Variants in LDLRAD4 observed in about 807,000 individuals in gnomAD.
LDLRAD4 encodes the protein low density lipoprotein receptor class A domain containing 4, also known as low-density lipoprotein receptor class A domain-containing protein 4.
In LDLRAD4, 5 loss-of-function variants were observed where a neutral mutation model predicts 17.0. The observed-to-expected ratio is 0.29, with a 90% CI of 0.15 to 0.62. The LOEUF is 0.62. Ranked by LOEUF, LDLRAD4 falls within the 20% of genes least tolerant of loss-of-function variation. The pLI is 0.84. For synonymous variants in LDLRAD4, 168 were observed against 171.8 expected (o/e 0.98, Z 0.17); for missense variants, 340 against 424.7 (o/e 0.80, Z 1.75).
intron 3 of LDLRAD4, among the ~76,000 whole-genome samples, chr18:13,470,364 A>G (rs1470452302): frequency 6.6e-6 from 1 of 151,954 alleles, no homozygotes; most frequent in Non-Finnish European, 1.5e-5. Context: ...GCACTTTGGA[A>G]GTGTGTATAA....
chr18:13,510,784 G>C (rs776548692), intron 3 of LDLRAD4, among the ~76,000 whole-genome samples: 2 of 152,192 alleles, frequency 1.3e-5, no homozygotes, highest in African/African-American at 2.4e-5. Flanking sequence ...GCTGGTGATG[G>C]ACTGTCTGTC....
chr18:13,590,038 T>TGTGG (rs2094992862), intron 3 of LDLRAD4, among the ~76,000 whole-genome samples: 8 of 147,974 alleles, frequency 5.4e-5, no homozygotes, highest in African/African-American at 1.8e-4. Flanking sequence ...GGTGTGCATG[T>TGTGG]GTGTGAGTGT....
intron 3 of LDLRAD4, among the ~76,000 whole-genome samples, chr18:13,601,201 G>A (rs188342035): frequency 2.0e-5 from 3 of 152,262 alleles, no homozygotes; most frequent in Admixed American, 6.5e-5. Flanking sequence ...TATTTTAAAC[G>A]CAGAAATCTG....
chr18:13,433,206 CTT>C (rs2090451994), intron 2 of LDLRAD4, among the ~76,000 whole-genome samples: 1 of 152,198 alleles, frequency 6.6e-6, no homozygotes, highest in Admixed American at 6.5e-5. Flanking sequence ...GATTTGACCT[CTT>C]TGCTATTTAC....
At chr18:13,229,191 G>C (rs574886544) in intron 1 of LDLRAD4, among the ~76,000 whole-genome samples, 1 of 152,310 alleles carries the variant, frequency 6.6e-6, no homozygotes, top group African/African-American at 2.4e-5. Flanking sequence ...TGGTGTCCTT[G>C]GGACGATTCG....
At chr18:13,570,443 A>G (rs1262523102) in intron 3 of LDLRAD4, among the ~76,000 whole-genome samples, 1 of 152,250 alleles carries the variant, frequency 6.6e-6, no homozygotes, top group African/African-American at 2.4e-5. Flanking sequence ...GCACTGGGGC[A>G]TCCATGGCAC....
chr18:13,580,842 A>T (rs1445592881), intron 3 of LDLRAD4, among the ~76,000 whole-genome samples: 1 of 152,248 alleles, frequency 6.6e-6, no homozygotes, highest in African/African-American at 2.4e-5. Flanking sequence ...CAAAGAGAAA[A>T]GCAGCATCGC....
chr18:13,347,026 A>G (rs1377738749), intron 1 of LDLRAD4, among the ~76,000 whole-genome samples: 1 of 152,140 alleles, frequency 6.6e-6, no homozygotes, highest in African/African-American at 2.4e-5. Context: ...TTTTTATCCA[A>G]TTTGCCAGTC....
intron 1 of LDLRAD4, among the ~76,000 whole-genome samples, chr18:13,339,330 C>T (rs1352565822): frequency 6.6e-6 from 1 of 152,010 alleles, no homozygotes; most frequent in African/African-American, 2.4e-5. Context: ...CCTGCCTCAG[C>T]CTCCCGAGTA....
intron 3 of LDLRAD4, among the ~76,000 whole-genome samples, chr18:13,553,518 A>G (rs1242048169): frequency 6.6e-6 from 1 of 152,240 alleles, no homozygotes; most frequent in Non-Finnish European, 1.5e-5. Flanking sequence ...TTCTTCTAAG[A>G]TAATTATTTG....
chr18:13,460,401 C>T (rs2092372805), intron 3 of LDLRAD4, among the ~76,000 whole-genome samples: 4 of 152,122 alleles, frequency 2.6e-5, no homozygotes, highest in Admixed American at 2.6e-4. Flanking sequence ...CCGTTTTGCC[C>T]AGGCTGAGCT....
At chr18:13,335,662 T>C (rs1160793870) in intron 1 of LDLRAD4, among the ~76,000 whole-genome samples, 1 of 152,174 alleles carries the variant, frequency 6.6e-6, no homozygotes, top group Non-Finnish European at 1.5e-5. Context: ...AATTCCGGAA[T>C]GCCTGTGTGT....
chr18:13,397,879 A>G (rs1018853412), intron 2 of LDLRAD4, among the ~76,000 whole-genome samples: 2 of 152,224 alleles, frequency 1.3e-5, no homozygotes, highest in African/African-American at 4.8e-5. Flanking sequence ...GAGGGATGCT[A>G]TCTTGATCTC....
intron 3 of LDLRAD4, among the ~76,000 whole-genome samples, chr18:13,443,277 G>A (rs186125183): frequency 6.6e-6 from 1 of 152,118 alleles, no homozygotes; most frequent in African/African-American, 2.4e-5. Flanking sequence ...CATCCTACTT[G>A]TCACCTGTAG....
intron 1 of LDLRAD4, among the ~76,000 whole-genome samples, chr18:13,378,599 G>A (rs1193479494): frequency 6.6e-6 from 1 of 151,954 alleles, no homozygotes; most frequent in Non-Finnish European, 1.5e-5. Flanking sequence ...TTATATTTCA[G>A]TATGAAAACA....
Position 13,294,050 on chromosome 18 carries a change from T to A in LDLRAD4, c.-383+15862T>A, listed in dbSNP as rs934005582. ...CTTTTAAACCCTTTTATGCCGGAGGTTGCAATTTTTTGAATTGCAGACGTG... is the reference window on the plus strand; with the variant it reads ...CTTTTAAACCCTTTTATGCCGGAGGATGCAATTTTTTGAATTGCAGACGTG... On this transcript the variant is annotated intron_variant, in intron 1 of 5. Transcript: ENST00000359446. 5.9e-5 allele frequency among the ~76,000 whole-genome samples: 9 copies of A among 152,186 alleles called. No homozygotes were observed. In the East Asian group the frequency reaches 1.7e-3, roughly 29 times the overall value.
chr18:13,232,826 G>A (rs560741067), intron 1 of LDLRAD4, among the ~76,000 whole-genome samples: 26 of 152,298 alleles, frequency 1.7e-4, no homozygotes, highest in East Asian at 1.5e-3. Flanking sequence ...GGAGAGGCGC[G>A]TGCCAGCTGT....
At chr18:13,317,340 C>A (rs2080987910) in intron 1 of LDLRAD4, among the ~76,000 whole-genome samples, 1 of 152,194 alleles carries the variant, frequency 6.6e-6, no homozygotes, top group Non-Finnish European at 1.5e-5. Context: ...GCCTAAGGTA[C>A]ACATCCCCAA....
At chr18:13,537,883 GTTCT>G (rs1346725040) in intron 3 of LDLRAD4, among the ~76,000 whole-genome samples, 4 of 152,068 alleles carry the variant, frequency 2.6e-5, no homozygotes, top group Admixed American at 2.6e-4. Context: ...CAGTTTTTCT[GTTCT>G]TTCTTATATT....
Sources: allele counts gnomAD v4.1 joint callset (sites outside exome capture counted in the v4.1 genomes callset), GRCh38; gene constraint gnomAD v4.1.1; transcripts MANE v1.5; gene names NCBI Gene and HGNC (gene_info 2026-07-23, HGNC 2026-07-21).